ERBB2: variants seen among roughly 807,000 people sequenced by gnomAD.
The protein encoded by ERBB2 is receptor tyrosine-protein kinase erbB-2.
A neutral mutation model predicts 149.0 loss-of-function variants in ERBB2; 61 were observed. That is an observed-to-expected ratio of 0.41 (90% CI 0.33 to 0.51). ERBB2 has a LOEUF of 0.51. Among genes scored for constraint, ERBB2 ranks in the 20% least tolerant of loss-of-function variants. ERBB2 has a pLI of 0.25. For missense variants in ERBB2, 1,205 were observed against 1,655.1 expected, an observed-to-expected ratio of 0.73 and a Z score of 4.72; for synonymous variants, 633 against 678.8, an observed-to-expected ratio of 0.93 and a Z score of 1.05.
In ERBB2 at chr17:39,726,880, T is replaced by C. The variant is rs2143174378; in HGVS notation, c.3036T>C (p.Asp1012=). The C allele has an allele frequency of 2.5e-6, 4 of 1,614,044 alleles. No individual in the cohort carries two copies. Among genetic ancestry groups the C allele is most frequent in the Non-Finnish European group, 3.4e-6 (4 of 1,179,946 alleles). Residue 1012 remains aspartate (D), a synonymous_variant, in exon 25 of 27, where the codon GAT becomes GAC. Transcript: ENST00000269571. This position sits in a 1 kb window ranked among gnomAD's most constrained non-coding sequence, Gnocchi z 5.1. ...STFYRSLLED[D]DMGDLVDAEE... ...TCTACCGCTCACTGCTGGAGGACGATGACATGGGGGACCTGGTGGATGCTG... is the reference window on the plus strand; with the variant it reads ...TCTACCGCTCACTGCTGGAGGACGACGACATGGGGGACCTGGTGGATGCTG...
intron 8 of ERBB2, 135 bp downstream of exon 8, chr17:39,712,182 G>T: frequency 1.3e-6 from 2 of 1,508,042 alleles, no homozygotes; most frequent in Non-Finnish European, 1.8e-6. Flanking sequence ...TCTACCCCTG[G>T]CCCCCCTCAG....
At position 39,725,861 on chromosome 17, in the gene ERBB2, G is replaced by C. The variant is rs2143080085; in HGVS notation, c.2872+8G>C. ...ACATGATCATGGTCAAATGTGCGTG[G>C]CTGAGCTGTGCTGGCTGCCTGGAGG... On this transcript the variant is annotated splice_region_variant and intron_variant, in intron 23 of 26. Coordinates refer to ENST00000269571, the MANE Select transcript of ERBB2 (RefSeq NM_004448.4). The surrounding 1 kb of genome is among the most constrained non-coding windows in gnomAD (Gnocchi z 4.6). The C allele has an allele frequency of 6.2e-7, 1 of 1,613,374 alleles. No individual in the cohort carries two copies. Among genetic ancestry groups the C allele is most frequent in the Non-Finnish European group, 8.5e-7 (1 of 1,179,764 alleles).
At chr17:39,691,569 A>C (rs1308711143), upstream of ERBB2, among the ~76,000 whole-genome samples, 1 of 140,670 alleles carries the variant, frequency 7.1e-6, no homozygotes, top group Non-Finnish European at 1.5e-5. Context: ...ATATATATAT[A>C]TATATACACA....
chr17:39,691,904 T>TACATATACATATACATATACATATAC (rs1386573320), upstream of ERBB2, among the ~76,000 whole-genome samples: 2 of 114,536 alleles, frequency 1.7e-5, no homozygotes, highest in African/African-American at 6.8e-5. Flanking sequence ...GATATAGATA[T>TACATATACATATACATATACATATAC]ATATACATAT....
intron 4 of ERBB2, 133 bp from the exon 5 acceptor site, chr17:39,709,680 C>T: frequency 2.0e-6 from 2 of 986,050 alleles, no homozygotes; most frequent in Non-Finnish European, 3.1e-6. Context: ...GGCCTCTCAG[C>T]CTGTCTGGGT....
At position 39,715,735 on chromosome 17, in the gene ERBB2, C is replaced by T. The variant is rs2145650415; in HGVS notation, c.1314-5C>T. On this transcript the variant is annotated splice_polypyrimidine_tract_variant and splice_region_variant and intron_variant, in intron 11 of 26. Coordinates refer to ENST00000269571, the MANE Select transcript of ERBB2 (RefSeq NM_004448.4). ...CGTGGTAAGGTGCCCACCTTTCTCC[C>T]ATAGTGGCGCCTACTCGCTGACCCT... 6.2e-7 allele frequency: 1 copy of T among 1,605,744 alleles called. No individual in the cohort carries two copies. The highest frequency in any genetic ancestry group is 8.5e-7 in the Non-Finnish European group (1 of 1,179,930).
intron 1 of ERBB2, chr17:39,703,347 C>T (rs995486850): frequency 3.3e-5 from 5 of 152,240 alleles, no homozygotes; most frequent in African/African-American, 1.2e-4. Context: ...CTGCCCTCCA[C>T]CTGTGAGAAG....
chr17:39,724,033 G>C (rs2145829104), intron 19 of ERBB2, 23 bp downstream of exon 19: 1 of 1,563,942 alleles, frequency 6.4e-7, no homozygotes, highest in East Asian at 2.2e-5. Context: ...ACCCTCTCCT[G>C]CTAGGAGGAC....
upstream of ERBB2, among the ~76,000 whole-genome samples, chr17:39,691,556 A>AAAAAATATATATATATATAT (rs573116217): frequency 3.6e-5 from 3 of 84,182 alleles, no homozygotes; most frequent in South Asian, 3.5e-4. Flanking sequence ...TAAAAAAAAA[A>AAAAAATATATATATATATAT]ATATATATAT....
chr17:39,702,494 T>G (rs756023959), intron 1 of ERBB2, among the ~76,000 whole-genome samples: 18 of 152,192 alleles, frequency 1.2e-4, no homozygotes, highest in Non-Finnish European at 2.4e-4. Context: ...CAGAACTCCT[T>G]CATATTTTAA....
At position 39,725,968 on chromosome 17, in the gene ERBB2, T is replaced by C. The variant is rs1597888922; in HGVS notation, c.2872+115T>C. 2 of 1,111,488 alleles carry C rather than the reference T, an allele frequency of 1.8e-6. No homozygotes were observed. The highest frequency in any genetic ancestry group is 3.2e-5 in the African/African-American group (2 of 63,084). The allele number at this position is 1,111,488 out of a possible 1,614,324, so 68.9% of individuals were successfully genotyped here. Reference sequence around the variant, plus strand: ...GTATGTAGACCCAGGAGCCCTAGTATGTTAGGAGCCTCAAAACCTTCTTGT... The same window carrying C: ...GTATGTAGACCCAGGAGCCCTAGTACGTTAGGAGCCTCAAAACCTTCTTGT... On this transcript the variant is annotated intron_variant, in intron 23 of 26. Transcript: ENST00000269571. The surrounding 1 kb of genome is among the most constrained non-coding windows in gnomAD (Gnocchi z 4.6).
At chr17:39,724,680 G>C (rs1394659973) in intron 19 of ERBB2, 46 bp from the exon 20 acceptor site, 3 of 1,551,740 alleles carry the variant, frequency 1.9e-6, no homozygotes, top group Admixed American at 1.7e-5. Flanking sequence ...GTGGTGTTTG[G>C]GGGTGTGTGG....
At chr17:39,716,151 C>G in intron 12 of ERBB2, 150 bp from the exon 13 acceptor site, 1 of 1,040,758 alleles carries the variant, frequency 9.6e-7, no homozygotes. Context: ...CCCTCTGTTT[C>G]TGAAATCTCA....
rs2145853355 is a variant in ERBB2, at chr17:39,724,884, G to A, written c.2466G>A (p.Leu822=). The part of the protein sequence containing the change: ...ENRGRLGSQD[L]LNWCMQIAKG... ...GCGGACGCCTGGGCTCCCAGGACCT[G>A]CTGAACTGGTGTATGCAGATTGCCA... is the stretch of plus-strand genomic sequence containing the variant. Residue 822 remains leucine (L), a synonymous_variant, in exon 20 of 27, where the codon CTG becomes CTA. Transcript: ENST00000269571. The A allele has an allele frequency of 6.2e-7, 1 of 1,614,210 alleles. No individual in the cohort carries two copies. The highest frequency in any genetic ancestry group is 8.5e-7 in the Non-Finnish European group (1 of 1,180,034).
chr17:39,728,294 C>T lies in ERBB2; in HGVS notation c.*250C>T, dbSNP rs1327444565. 9.3e-6 allele frequency: 4 copies of T among 431,030 alleles called. No individual in the cohort carries two copies. Among genetic ancestry groups the T allele is most frequent in the African/African-American group, 1.9e-5 (1 of 51,462 alleles). The allele number at this position is 431,030 out of a possible 1,614,324, so 26.7% of individuals were successfully genotyped here. On this transcript the variant is annotated 3_prime_UTR_variant, in exon 27 of 27. Coordinates refer to ENST00000269571, the MANE Select transcript of ERBB2 (RefSeq NM_004448.4). ...TTCTGAGGCCCTGCCCAATGAGACT[C>T]TAGGGTCCAGTGGATGCCACAGCCC...
At chr17:39,712,108 G>T in intron 8 of ERBB2, 61 bp downstream of exon 8, 1 of 1,611,492 alleles carries the variant, frequency 6.2e-7, no homozygotes, top group Non-Finnish European at 8.5e-7. Flanking sequence ...ATGCAGCCTG[G>T]CCCAGCCCAC....
In ERBB2 at chr17:39,727,783, G is replaced by A. The variant is rs769120310; in HGVS notation, c.3507G>A (p.Arg1169=). 2 of 1,612,812 alleles carry A rather than the reference G, an allele frequency of 1.2e-6. No homozygotes were observed. The highest frequency in any genetic ancestry group is 2.2e-5 in the East Asian group (1 of 44,850). ...GACCTGCTGGTGCCACTCTGGAAAGGCCCAAGACTCTCTCCCCAGGGAAGA... is the reference window on the plus strand; with the variant it reads ...GACCTGCTGGTGCCACTCTGGAAAGACCCAAGACTCTCTCCCCAGGGAAGA... The part of the protein sequence containing the change: ...AARPAGATLE[R]PKTLSPGKNG... The change falls in exon 27 of 27, where the codon AGG becomes AGA. Residue 1169 remains arginine (R), a synonymous_variant. Transcript: ENST00000269571. This position sits in a 1 kb window ranked among gnomAD's most constrained non-coding sequence, Gnocchi z 4.3.
rs55928971 is a variant in ERBB2, at chr17:39,716,356, A to G, written c.1569A>G (p.Pro523=). The change falls in exon 13 of 27, where the codon CCA becomes CCG. Residue 523 remains proline, a synonymous_variant. Coordinates refer to ENST00000269571, the MANE Select transcript of ERBB2 (RefSeq NM_004448.4). ...GCGCCCGAGGGCACTGCTGGGGTCC[A>G]GGGCCCACCCAGTGTGTCAACTGCA... ...QLCARGHCWG[P]GPTQCVNCSQ... The G allele has an allele frequency of 3.1e-3, 4,955 of 1,609,156 alleles. 14 individuals are homozygous for G. The highest frequency in any genetic ancestry group is 3.4e-3 in the Non-Finnish European group (4,018 of 1,177,912).
At chr17:39,696,258 G>A (rs111565365), upstream of ERBB2, among the ~76,000 whole-genome samples, 1,147 of 152,110 alleles carry the variant, frequency 7.5e-3, 10 homozygotes, top group African/African-American at 0.026. Context: ...CTTTTTCAGA[G>A]GCTCGGCCCC....
Sources: allele counts gnomAD v4.1 joint callset (sites outside exome capture counted in the v4.1 genomes callset), GRCh38; gene constraint gnomAD v4.1.1; non-coding constraint Gnocchi (gnomAD v3.1); transcripts MANE v1.5; gene names NCBI Gene and HGNC (gene_info 2026-07-23, HGNC 2026-07-21).